Variants in XCR1 observed in about 807,000 individuals in gnomAD.
XCR1 encodes chemokine XC receptor 1.
For missense variants in XCR1, 356 were observed against 424.2 expected, an observed-to-expected ratio of 0.84 and a Z score of 1.41; for synonymous variants, 187 against 188.5, an observed-to-expected ratio of 0.99 and a Z score of 0.06.
chr3:46,044,516 T>C (rs780098190), intron 5 of XCR1, among the ~76,000 whole-genome samples: 12 of 152,148 alleles, frequency 7.9e-5, no homozygotes, highest in Non-Finnish European at 1.6e-4. Flanking sequence ...TTCTGTACAT[T>C]GTCAATAAAA....
At chr3:46,078,435 T>C (rs1698299253) in intron 1 of XCR1, among the ~76,000 whole-genome samples, 1 of 152,178 alleles carries the variant, frequency 6.6e-6, no homozygotes, top group African/African-American at 2.4e-5. Context: ...GTTGAAGGTC[T>C]AGATTTTGCC....
intron 2 of XCR1, among the ~76,000 whole-genome samples, chr3:46,075,583 G>C (rs1698244702): frequency 6.6e-6 from 1 of 152,220 alleles, no homozygotes; most frequent in South Asian, 2.1e-4. Context: ...GCCCTGTTAA[G>C]ACCATCTCCA....
In XCR1 at chr3:46,023,810, C is replaced by T. The variant is rs72887139; in HGVS notation, c.-31-1832G>A. 3.0e-3 allele frequency: 4,574 copies of T among 1,539,162 alleles called. 95 individuals carry two copies. The African/African-American group carries it at 0.048, about 16-fold the overall frequency. On this transcript the variant is annotated intron_variant, in intron 1 of 1. Coordinates refer to ENST00000309285, the MANE Select transcript of XCR1 (RefSeq NM_001024644.2). ...GATAAAACAATTATAGAGGAATAGG[C>T]AACCAAAATTGCAGATTTGAAGAGA... is the stretch of plus-strand genomic sequence containing the variant.
chr3:46,039,455 A>G (rs79129859), intron 5 of XCR1, among the ~76,000 whole-genome samples: 635 of 126,742 alleles, frequency 5.0e-3, no homozygotes, highest in South Asian at 9.2e-3. Context: ...GGTTTGAAGT[A>G]CTGCAGGCAG....
At chr3:46,060,078 A>G (rs1422462842) in intron 4 of XCR1, among the ~76,000 whole-genome samples, 1 of 152,252 alleles carries the variant, frequency 6.6e-6, no homozygotes, top group Non-Finnish European at 1.5e-5. Flanking sequence ...ATGCATATCT[A>G]TCCGTACAAA....
chr3:46,058,389 A>T (rs532344820), intron 4 of XCR1, among the ~76,000 whole-genome samples: 1 of 152,286 alleles, frequency 6.6e-6, no homozygotes, highest in East Asian at 1.9e-4. Flanking sequence ...TTGCCAGCTG[A>T]GCTCCACATA....
At chr3:46,085,182 G>A (rs575383479) in intron 1 of XCR1, among the ~76,000 whole-genome samples, 3 of 148,188 alleles carry the variant, frequency 2.0e-5, no homozygotes, top group Non-Finnish European at 3.0e-5. Flanking sequence ...AGCAGCCTAT[G>A]TCTGCTCTAA....
rs1454723969 is a variant in XCR1 at position 46,018,941 on chromosome 3, A to C, written c.*2005T>G. The C allele has an allele frequency of 6.6e-6, 1 of 151,530 alleles. No individual in the cohort carries two copies. The highest frequency in any genetic ancestry group is 1.9e-4 in the East Asian group (1 of 5,150). The allele number at this position is 151,530 out of a possible 1,614,324, so 9.4% of individuals were successfully genotyped here. A position where few individuals can be genotyped will look rare whatever the true frequency, so the allele number is the denominator to read the frequency against. ...TAATGAAGGTGCATGTCAGAATCGCATGGGAAGCTTTTCCAAATCCCCACG... is the reference window on the plus strand; with the variant it reads ...TAATGAAGGTGCATGTCAGAATCGCCTGGGAAGCTTTTCCAAATCCCCACG... On this transcript the variant is annotated 3_prime_UTR_variant, in exon 2 of 2. Transcript: ENST00000309285.
intron 5 of XCR1, among the ~76,000 whole-genome samples, chr3:46,039,332 A>G (rs916239124): frequency 6.6e-6 from 1 of 152,202 alleles, no homozygotes; most frequent in Non-Finnish European, 1.5e-5. Flanking sequence ...TCTTACTTTG[A>G]TAAGTTTGGC....
chr3:46,040,808 A>G (rs1248555334), intron 5 of XCR1, among the ~76,000 whole-genome samples: 3 of 148,270 alleles, frequency 2.0e-5, no homozygotes, highest in African/African-American at 7.8e-5. Context: ...TCTTGAATGC[A>G]TGTGTCTGAT....
At chr3:46,066,208 C>CCCTT (rs1476998603) in intron 4 of XCR1, among the ~76,000 whole-genome samples, 10 of 137,982 alleles carry the variant, frequency 7.2e-5, no homozygotes, top group African/African-American at 3.3e-4. Context: ...CTTCCTCCCT[C>CCCTT]CCTCCCTCCC....
At chr3:46,075,162 G>A (rs1210857223) in intron 2 of XCR1, among the ~76,000 whole-genome samples, 1 of 151,882 alleles carries the variant, frequency 6.6e-6, no homozygotes, top group African/African-American at 2.4e-5. Context: ...CAGACACAAA[G>A]ATTAATGGAA....
intron 3 of XCR1, among the ~76,000 whole-genome samples, chr3:46,069,154 GAA>G (rs1698124100): frequency 6.6e-6 from 1 of 151,780 alleles, no homozygotes; most frequent in African/African-American, 2.4e-5. Flanking sequence ...TTAAAAAAGA[GAA>G]AATGTCTCAC....
At chr3:46,053,215 G>A (rs892302501) in intron 5 of XCR1, among the ~76,000 whole-genome samples, 1 of 152,048 alleles carries the variant, frequency 6.6e-6, no homozygotes. Flanking sequence ...GGCTCTGTAC[G>A]CCATTATTTA....
chr3:46,079,151 C>G (rs577268417), intron 1 of XCR1, among the ~76,000 whole-genome samples: 4 of 152,292 alleles, frequency 2.6e-5, no homozygotes, highest in Admixed American at 2.6e-4. Context: ...GCTTGAAAAT[C>G]TGAGCGCTCT....
intron 1 of XCR1, among the ~76,000 whole-genome samples, chr3:46,082,391 G>A (rs1027977635): frequency 2.7e-5 from 4 of 147,344 alleles, no homozygotes; most frequent in Non-Finnish European, 6.0e-5. Flanking sequence ...ATATTTATAT[G>A]TGCATATATA....
At chr3:46,085,397 A>G (rs776221925) in intron 1 of XCR1, among the ~76,000 whole-genome samples, 2 of 152,166 alleles carry the variant, frequency 1.3e-5, no homozygotes, top group Non-Finnish European at 2.9e-5. Context: ...ATTCCTAACC[A>G]GCCTCTTGAA....
At chr3:46,023,268 G>A (rs769176850) in intron 1 of XCR1, 60 of 687,056 alleles carry the variant, frequency 8.7e-5, no homozygotes, top group South Asian at 2.0e-4. Context: ...TGGCCCCACC[G>A]CTCCCCTTCC....
In XCR1 at chr3:46,020,924, C is replaced by A; in HGVS notation, c.*22G>T. 9 of 1,599,210 alleles carry A rather than the reference C, an allele frequency of 5.6e-6. No homozygotes were observed. The highest frequency in any genetic ancestry group is 7.7e-6 in the Non-Finnish European group (9 of 1,172,466). ...TCCAGTCCCTGTCCACCTGCACCTG[C>A]GCCTGCACCGCCACAGGCCCCTCAG... On this transcript the variant is annotated 3_prime_UTR_variant, in exon 2 of 2. Coordinates refer to ENST00000309285, the MANE Select transcript of XCR1 (RefSeq NM_001024644.2).
Sources: allele counts gnomAD v4.1 joint callset (sites outside exome capture counted in the v4.1 genomes callset), GRCh38; gene constraint gnomAD v4.1.1; transcripts MANE v1.5; gene names NCBI Gene and HGNC (gene_info 2026-07-23, HGNC 2026-07-21).